Variants in LRRC49 observed in about 807,000 individuals in gnomAD.
LRRC49 encodes leucine rich repeat containing 49.
Under a neutral mutation model 83.3 loss-of-function variants are expected in LRRC49, and 50 were observed. That is an observed-to-expected ratio of 0.60 (90% confidence interval 0.48 to 0.76). The LOEUF (loss-of-function observed/expected upper bound fraction) is 0.76. LRRC49 is among the 30% of genes least tolerant of loss of function. LRRC49 has a pLI of 0.00. For missense variants in LRRC49, 704 were observed against 809.1 expected, an observed-to-expected ratio of 0.87 and a Z score of 1.58; for synonymous variants, 286 against 283.3, an observed-to-expected ratio of 1.01 and a Z score of -0.10.
At chr15:70,986,952 T>C (rs540790170) in intron 11 of LRRC49, among the ~76,000 whole-genome samples, 1 of 152,366 alleles carries the variant, frequency 6.6e-6, no homozygotes, top group African/African-American at 2.4e-5. Flanking sequence ...GATTTGCGTA[T>C]ATTGAGCCAT....
At chr15:71,030,201 G>T (rs911525735) in intron 14 of LRRC49, among the ~76,000 whole-genome samples, 1 of 152,122 alleles carries the variant, frequency 6.6e-6, no homozygotes, top group African/African-American at 2.4e-5. Context: ...AGGAGCTCTT[G>T]TAAGGCAGGC....
At chr15:70,942,033 ATG>A (rs34818331) in intron 8 of LRRC49, among the ~76,000 whole-genome samples, 3,165 of 144,130 alleles carry the variant, frequency 0.022, 49 homozygotes, top group East Asian at 0.063. Context: ...TGTAAAGGTT[ATG>A]TGTGTGTGTG....
At chr15:70,892,816 T>TCTTTCGG, upstream of LRRC49, 5 of 1,613,800 alleles carry the variant, frequency 3.1e-6, no homozygotes, top group Non-Finnish European at 4.2e-6. Flanking sequence ...GGAGATGACC[T>TCTTTCGG]CTTTCGGGTC....
intron 2 of LRRC49, among the ~76,000 whole-genome samples, chr15:70,884,698 A>C (rs1303302716): frequency 1.3e-5 from 2 of 152,216 alleles, no homozygotes; most frequent in Non-Finnish European, 2.9e-5. Context: ...GTCAAAGTCC[A>C]GAATAAACAC....
chr15:70,938,368 G>A (rs2035677596), intron 8 of LRRC49, among the ~76,000 whole-genome samples: 1 of 152,092 alleles, frequency 6.6e-6, no homozygotes, highest in South Asian at 2.1e-4. Context: ...AATAAAGATA[G>A]AAGTCAGCTG....
chr15:70,860,178 C>T (rs1372417160), intron 1 of LRRC49: 28 of 668,728 alleles, frequency 4.2e-5, no homozygotes, highest in South Asian at 8.4e-5. Flanking sequence ...CGCGGCAGCC[C>T]CTCCCATCCT....
At chr15:70,937,954 T>G (rs2035659795) in intron 8 of LRRC49, among the ~76,000 whole-genome samples, 1 of 151,996 alleles carries the variant, frequency 6.6e-6, no homozygotes. Context: ...GGTCACTCAT[T>G]TTTTTTAGGG....
intron 8 of LRRC49, among the ~76,000 whole-genome samples, chr15:70,956,608 C>T (rs899963073): frequency 6.6e-6 from 1 of 150,614 alleles, no homozygotes; most frequent in African/African-American, 2.4e-5. Flanking sequence ...TTTAAACAGT[C>T]TGCTTTTGAT....
intron 9 of LRRC49, among the ~76,000 whole-genome samples, chr15:70,972,889 C>A (rs139656115): frequency 0.017 from 2,578 of 152,178 alleles, 41 homozygotes; most frequent in Non-Finnish European, 0.026. Context: ...GTTCCTGTAA[C>A]CTTTTTTCAG....
At chr15:70,957,574 T>C (rs2036447415) in intron 8 of LRRC49, among the ~76,000 whole-genome samples, 1 of 152,186 alleles carries the variant, frequency 6.6e-6, no homozygotes, top group Non-Finnish European at 1.5e-5. Flanking sequence ...GCACACTTAC[T>C]AAAGATTGGT....
At chr15:70,922,074 G>T (rs536667685) in intron 7 of LRRC49, among the ~76,000 whole-genome samples, 2 of 152,246 alleles carry the variant, frequency 1.3e-5, no homozygotes, top group African/African-American at 2.4e-5. Context: ...TACATTGTTG[G>T]TGGGAATGTA....
rs1388974785 is a variant in LRRC49 at position 71,050,323 on chromosome 15, C to T, written c.*711C>T. The T allele has an allele frequency of 1.3e-5, 2 of 152,194 alleles. No homozygotes were observed. Among genetic ancestry groups the T allele is most frequent in the African/African-American group, 4.8e-5 (2 of 41,446 alleles). The allele number at this position is 152,194 out of a possible 1,614,324, so 9.4% of individuals were successfully genotyped here. A position where few individuals can be genotyped will look rare whatever the true frequency, so the allele number is the denominator to read the frequency against. On this transcript the variant is annotated 3_prime_UTR_variant, in exon 16 of 16. Transcript: ENST00000260382. ...CCTGAATGACTATAAAATGCTGTTA[C>T]AAAGCAGTAAATCTGCTTCTCTGAA...
At chr15:70,861,930 G>GA (rs1172260244) in intron 1 of LRRC49, among the ~76,000 whole-genome samples, 1 of 151,916 alleles carries the variant, frequency 6.6e-6, no homozygotes, top group Non-Finnish European at 1.5e-5. Context: ...GTCTTAAAAA[G>GA]AAAAAATAGA....
chr15:71,009,842 G>T lies in LRRC49; in HGVS notation c.1443G>T (p.Leu481=), dbSNP rs748416668. 1 of 1,611,972 alleles carries T rather than the reference G, an allele frequency of 6.2e-7. No individual in the cohort carries two copies. The highest frequency in any genetic ancestry group is 1.7e-5 in the Admixed American group (1 of 59,874). ...TCAAGGAAACAAATCTTGTAATGCTGCAGCAATTTAACGCACTAGCCCAAC... is the reference window on the plus strand; with the variant it reads ...TCAAGGAAACAAATCTTGTAATGCTTCAGCAATTTAACGCACTAGCCCAAC... ...LKFKETNLVM[L]QQFNALAQLR... is the part of the protein sequence containing the mutation. Residue 481 remains leucine, a synonymous_variant, in exon 13 of 16, where the codon CTG becomes CTT. Coordinates refer to ENST00000260382, the MANE Select transcript of LRRC49 (RefSeq NM_017691.5).
chr15:71,001,989 CTG>C (rs2038275618), intron 11 of LRRC49, among the ~76,000 whole-genome samples: 1 of 152,148 alleles, frequency 6.6e-6, no homozygotes. Context: ...CCGTGCCCGG[CTG>C]TCTATCTGCT....
chr15:70,941,315 T>C (rs544783860), intron 8 of LRRC49, among the ~76,000 whole-genome samples: 1 of 152,238 alleles, frequency 6.6e-6, no homozygotes, highest in Non-Finnish European at 1.5e-5. Flanking sequence ...ATAATTTTTC[T>C]ATGGTTTTTC....
intron 11 of LRRC49, among the ~76,000 whole-genome samples, chr15:70,988,751 G>T (rs2037737479): frequency 1.3e-5 from 2 of 151,996 alleles, no homozygotes; most frequent in South Asian, 4.2e-4. Context: ...TTACAATTTG[G>T]CATGATTTTG....
At chr15:71,043,057 T>C (rs1473152482) in intron 15 of LRRC49, among the ~76,000 whole-genome samples, 1 of 152,156 alleles carries the variant, frequency 6.6e-6, no homozygotes, top group African/African-American at 2.4e-5. Context: ...TATCTACTGT[T>C]TTATGTTTTT....
chr15:71,013,676 G>T (rs997653143), intron 14 of LRRC49, among the ~76,000 whole-genome samples: 2 of 152,220 alleles, frequency 1.3e-5, no homozygotes, highest in Non-Finnish European at 2.9e-5. Context: ...GACCAGTCAT[G>T]ATTCAGTTAC....
Sources: gnomAD v4.1 joint callset for allele counts (sites outside exome capture counted in the v4.1 genomes callset) on GRCh38, gnomAD v4.1.1 for gene constraint, MANE v1.5 for transcripts, NCBI Gene and HGNC (gene_info 2026-07-23, HGNC 2026-07-21) for gene names.